Variants in KIAA0513 observed in about 807,000 individuals in gnomAD.
KIAA0513 encodes the protein KIAA0513, also known as uncharacterized protein KIAA0513.
In KIAA0513, 39 loss-of-function variants were observed where a neutral mutation model predicts 56.5. The observed-to-expected ratio is 0.69, with a 90% CI of 0.53 to 0.90. The LOEUF (loss-of-function observed/expected upper bound fraction) is 0.90, where lower values mean the gene tolerates loss of function less well. KIAA0513 is among the 40% of genes least tolerant of loss of function. The probability of loss-of-function intolerance (pLI) is 0.00; values close to 1 mark genes in which losing one functional copy is unlikely to be tolerated. For missense variants in KIAA0513, 591 were observed against 535.2 expected, an observed-to-expected ratio of 1.10 and a Z score of -1.03; for synonymous variants, 268 against 215.6, an observed-to-expected ratio of 1.24 and a Z score of -2.13.
At chr16:85,030,030 T>A (rs2072941062) in intron 1 of KIAA0513, among the ~76,000 whole-genome samples, 1 of 152,130 alleles carries the variant, frequency 6.6e-6, no homozygotes. Flanking sequence ...GTGGGGCGGA[T>A]CCGGGTGGTT....
chr16:85,069,365 T>C (rs1056511857), intron 2 of KIAA0513, among the ~76,000 whole-genome samples: 2 of 152,102 alleles, frequency 1.3e-5, no homozygotes, highest in African/African-American at 2.4e-5. Context: ...AGTGCGCCAC[T>C]ATACTGGCCA....
intron 1 of KIAA0513, among the ~76,000 whole-genome samples, chr16:85,047,395 C>T (rs1401065294): frequency 1.3e-5 from 2 of 152,224 alleles, no homozygotes; most frequent in Admixed American, 1.3e-4. Context: ...CCTGGGCCTC[C>T]TATCTTCACC....
chr16:85,086,506 G>A (rs1041281136), intron 10 of KIAA0513, 138 bp from the exon 11 acceptor site: 17 of 787,454 alleles, frequency 2.2e-5, no homozygotes, highest in Middle Eastern at 6.3e-4. Flanking sequence ...ACGGCTCTCC[G>A]GTGGAAGGCA....
chr16:85,052,040 G>T (rs1261227154), intron 1 of KIAA0513, among the ~76,000 whole-genome samples: 1 of 152,034 alleles, frequency 6.6e-6, no homozygotes, highest in African/African-American at 2.4e-5. Flanking sequence ...ACGACGCATT[G>T]GCCAGGCGCA....
At chr16:85,053,947 A>G (rs928556565) in intron 1 of KIAA0513, among the ~76,000 whole-genome samples, 13 of 149,506 alleles carry the variant, frequency 8.7e-5, no homozygotes, top group Non-Finnish European at 1.8e-4. Context: ...AACTGAGATC[A>G]TGCCACTGCA....
At chr16:85,029,198 GA>G (rs372701302) in intron 1 of KIAA0513, among the ~76,000 whole-genome samples, 1 of 152,186 alleles carries the variant, frequency 6.6e-6, no homozygotes, top group African/African-American at 2.4e-5. Flanking sequence ...GGCTCGCAAT[GA>G]AAAAGTTGAC....
At chr16:85,054,473 C>T (rs2073300579) in intron 1 of KIAA0513, among the ~76,000 whole-genome samples, 1 of 145,866 alleles carries the variant, frequency 6.9e-6, no homozygotes. Flanking sequence ...CTCTGTTGCC[C>T]AGGCTGAAGT....
Position 85,074,328 on chromosome 16 carries a change from G to GTA in KIAA0513, c.503+1337_503+1338dup, listed in dbSNP as rs200895116. 3.0e-3 allele frequency among the ~76,000 whole-genome samples: 414 copies of GTA among 139,666 alleles called. 1 individual carries two copies. The highest frequency in any genetic ancestry group is 6.0e-3 in the South Asian group (25 of 4,142). 91.6% of individuals were successfully genotyped at this position (139,666 alleles called of 152,430 possible). ...TACACACATACACACACACACACAC[G>GTA]TATATATACACACATACACACACAC... On this transcript the variant is annotated intron_variant, in intron 4 of 12. Coordinates refer to ENST00000683363, the MANE Select transcript of KIAA0513 (RefSeq NM_001388359.1).
chr16:85,060,842 TAA>T (rs76957998), intron 1 of KIAA0513, among the ~76,000 whole-genome samples: 28 of 118,084 alleles, frequency 2.4e-4, no homozygotes, highest in South Asian at 2.7e-4. Flanking sequence ...TGAACCTATC[TAA>T]AAAAAAAAAA....
intron 2 of KIAA0513, among the ~76,000 whole-genome samples, chr16:85,069,872 T>A (rs1209150307): frequency 6.6e-6 from 1 of 151,950 alleles, no homozygotes; most frequent in Non-Finnish European, 1.5e-5. Context: ...ATTAACACAA[T>A]TAGAATTTGT....
chr16:85,054,910 TTATG>T (rs1032191310), intron 1 of KIAA0513, among the ~76,000 whole-genome samples: 3 of 152,174 alleles, frequency 2.0e-5, no homozygotes, highest in East Asian at 1.9e-4. Context: ...TCGTTATGAT[TTATG>T]TATTTTCTGT....
Position 85,078,915 on chromosome 16 carries a change from C to A in KIAA0513, c.824-10C>A, listed in dbSNP as rs1404706294. ...AGAGCTGCTTTCAGCCATTCTCTCTCCTCCCACAGTGACCGCGTACAGCCC... is the reference window on the plus strand; with the variant it reads ...AGAGCTGCTTTCAGCCATTCTCTCTACTCCCACAGTGACCGCGTACAGCCC... On this transcript the variant is annotated splice_polypyrimidine_tract_variant and intron_variant, in intron 7 of 12. Transcript: ENST00000683363. 6.2e-7 allele frequency: 1 copy of A among 1,614,122 alleles called. No individual in the cohort carries two copies. The highest frequency in any genetic ancestry group is 2.2e-5 in the East Asian group (1 of 44,880).
chr16:85,069,581 C>T (rs1017496389), intron 2 of KIAA0513, among the ~76,000 whole-genome samples: 1 of 151,972 alleles, frequency 6.6e-6, no homozygotes, highest in Non-Finnish European at 1.5e-5. Context: ...ATATCTCAGC[C>T]AGGGGAAGGA....
intron 1 of KIAA0513, among the ~76,000 whole-genome samples, chr16:85,062,211 A>AAC (rs5818523): frequency 0.25 from 36,742 of 149,256 alleles, 4,637 homozygotes; most frequent in Admixed American, 0.32. Context: ...TACGTACGTA[A>AAC]ACACACACAC....
At chr16:85,085,930 T>C (rs72805493) in intron 10 of KIAA0513, among the ~76,000 whole-genome samples, 2,766 of 152,294 alleles carry the variant, frequency 0.018, 35 homozygotes, top group Non-Finnish European at 0.026. Flanking sequence ...GTCCATAGCA[T>C]TCACAGGGTC....
chr16:85,053,720 C>T (rs1247485248), intron 1 of KIAA0513, among the ~76,000 whole-genome samples: 15 of 151,932 alleles, frequency 9.9e-5, no homozygotes, highest in African/African-American at 3.1e-4. Context: ...AGGCCAGGCG[C>T]GGTGGCTCAC....
chr16:85,032,782 C>T (rs957686814), intron 1 of KIAA0513, among the ~76,000 whole-genome samples: 4 of 152,130 alleles, frequency 2.6e-5, no homozygotes, highest in African/African-American at 9.7e-5. Flanking sequence ...AAGTGCCTGC[C>T]ACCACTCCCG....
chr16:85,080,210 G>A (rs1228878093), intron 8 of KIAA0513, among the ~76,000 whole-genome samples: 19 of 152,106 alleles, frequency 1.2e-4, no homozygotes, highest in Non-Finnish European at 2.8e-4. Context: ...GCTTTGTCCC[G>A]CTGTCTGGTG....
chr16:85,067,250 C>T lies in KIAA0513; in HGVS notation c.179C>T (p.Ser60Leu), dbSNP rs750327724. ...SADSENDMGE[S>L]PSHPSWDQDR... is the part of the protein sequence containing the mutation. ...GACAGTGAGAATGACATGGGCGAGTCGCCCTCGCACCCGTCCTGGGACCAA... is the reference window on the plus strand; with the variant it reads ...GACAGTGAGAATGACATGGGCGAGTTGCCCTCGCACCCGTCCTGGGACCAA... The change falls in exon 2 of 13, where the codon TCG (serine) becomes TTG (leucine). Residue 60 changes from serine to leucine, a missense_variant. Ser to Leu is a moderately radical substitution (Grantham distance 145). Transcript: ENST00000683363. The T allele has an allele frequency of 1.4e-5, 23 of 1,613,976 alleles. No homozygotes were observed. The highest frequency in any genetic ancestry group is 1.6e-4 in the Middle Eastern group (1 of 6,084).
Sources: gnomAD v4.1 joint callset for allele counts (sites outside exome capture counted in the v4.1 genomes callset) on GRCh38, gnomAD v4.1.1 for gene constraint, MANE v1.5 for transcripts, NCBI Gene and HGNC (gene_info 2026-07-23, HGNC 2026-07-21) for gene names.